PTTG1IP2: variants seen among roughly 807,000 people sequenced by gnomAD.
The protein encoded by PTTG1IP2 is PTTG1IP family member 2.
intron 6 of PTTG1IP2, among the ~76,000 whole-genome samples, chr7:90,498,127 G>A (rs909513340): frequency 3.3e-5 from 5 of 151,688 alleles, no homozygotes; most frequent in East Asian, 1.9e-4. Flanking sequence ...CCCGGCTCAC[G>A]CCATTCTCCT....
At chr7:90,496,459 T>C (rs1347168113) in intron 6 of PTTG1IP2, among the ~76,000 whole-genome samples, 2 of 152,200 alleles carry the variant, frequency 1.3e-5, no homozygotes, top group South Asian at 2.1e-4. Flanking sequence ...TCGTAATCTT[T>C]CATATTTCTG....
chr7:90,503,738 A>G (rs1006153669), intron 6 of PTTG1IP2, among the ~76,000 whole-genome samples: 1 of 152,228 alleles, frequency 6.6e-6, no homozygotes, highest in Non-Finnish European at 1.5e-5. Flanking sequence ...TGGCACCCCC[A>G]TAACAATTAC....
chr7:90,487,687 G>C (rs1237739707), intron 3 of PTTG1IP2, among the ~76,000 whole-genome samples: 2 of 152,090 alleles, frequency 1.3e-5, no homozygotes, highest in African/African-American at 4.8e-5. Context: ...TAGGCTTATT[G>C]GTTGTTTGCA....
intron 6 of PTTG1IP2, among the ~76,000 whole-genome samples, chr7:90,507,800 A>G (rs1798140668): frequency 6.6e-6 from 1 of 152,224 alleles, no homozygotes; most frequent in South Asian, 2.1e-4. Flanking sequence ...GACACATAGT[A>G]GATGCTCAAT....
At chr7:90,505,270 C>A (rs572603680) in intron 6 of PTTG1IP2, among the ~76,000 whole-genome samples, 1 of 152,270 alleles carries the variant, frequency 6.6e-6, no homozygotes, top group South Asian at 2.1e-4. Context: ...ACTTGCTGCC[C>A]AGCCAAATCC....
At chr7:90,493,866 A>T (rs1797965368) in intron 5 of PTTG1IP2, among the ~76,000 whole-genome samples, 1 of 152,252 alleles carries the variant, frequency 6.6e-6, no homozygotes, top group Non-Finnish European at 1.5e-5. Flanking sequence ...AGATGTTTGC[A>T]TATGGTAGTT....
chr7:90,485,779 C>A (rs951278434), intron 2 of PTTG1IP2, among the ~76,000 whole-genome samples: 9 of 152,172 alleles, frequency 5.9e-5, no homozygotes, highest in African/African-American at 2.2e-4. Flanking sequence ...ATCAGCTTAG[C>A]ACTTAAGTGC....
intron 6 of PTTG1IP2, among the ~76,000 whole-genome samples, chr7:90,502,501 A>G (rs1013272635): frequency 6.6e-6 from 1 of 152,228 alleles, no homozygotes; most frequent in Non-Finnish European, 1.5e-5. Context: ...AGGAATCACT[A>G]TTTATGACAA....
intron 2 of PTTG1IP2, among the ~76,000 whole-genome samples, chr7:90,482,132 G>T (rs1358378574): frequency 6.6e-6 from 1 of 152,084 alleles, no homozygotes; most frequent in Non-Finnish European, 1.5e-5. Flanking sequence ...AGGATGCAAA[G>T]CTTTCAGTGG....
chr7:90,479,887 AG>A (rs1797795731), intron 2 of PTTG1IP2, among the ~76,000 whole-genome samples: 1 of 152,226 alleles, frequency 6.6e-6, no homozygotes, highest in South Asian at 2.1e-4. Context: ...TACTTAGAAA[AG>A]GGCACACTCT....
chr7:90,488,592 G>A (rs1797903763), intron 3 of PTTG1IP2, among the ~76,000 whole-genome samples: 1 of 151,978 alleles, frequency 6.6e-6, no homozygotes, highest in East Asian at 1.9e-4. Flanking sequence ...GAGTTTAGAG[G>A]TAAAATAAAG....
chr7:90,504,098 C>T (rs1311327906), intron 6 of PTTG1IP2, among the ~76,000 whole-genome samples: 2 of 151,918 alleles, frequency 1.3e-5, no homozygotes, highest in Non-Finnish European at 2.9e-5. Flanking sequence ...AGGTGGATCA[C>T]GAGGTCAGGA....
intron 6 of PTTG1IP2, among the ~76,000 whole-genome samples, chr7:90,498,520 A>G (rs1798023640): frequency 6.6e-6 from 1 of 152,194 alleles, no homozygotes; most frequent in South Asian, 2.1e-4. Flanking sequence ...AGGGGTAGCT[A>G]TACTTATATC....
rs17868899 is a variant in PTTG1IP2, at chr7:90,475,016, C to T, written c.146-4212C>T. Among the ~76,000 whole-genome samples the T allele has an allele frequency of 7.2e-3, 1,097 of 152,218 alleles. 12 individuals are homozygous for T. The highest frequency in any genetic ancestry group is 0.041 in the Middle Eastern group (12 of 294). Reference sequence around the variant, plus strand: ...TGAGACTCAATGGATCAGTGCCAGACGGTTTATTACTCATAGCACAGCCAA... The same window carrying T: ...TGAGACTCAATGGATCAGTGCCAGATGGTTTATTACTCATAGCACAGCCAA... On this transcript the variant is annotated intron_variant, in intron 1 of 6. Transcript: ENST00000509356.
intron 6 of PTTG1IP2, among the ~76,000 whole-genome samples, chr7:90,507,824 A>G (rs1038988222): frequency 1.3e-5 from 2 of 152,192 alleles, no homozygotes; most frequent in Non-Finnish European, 2.9e-5. Context: ...TGGTTATATT[A>G]TTACCTATTA....
chr7:90,495,517 T>C (rs1363701875), intron 6 of PTTG1IP2, among the ~76,000 whole-genome samples: 1 of 152,232 alleles, frequency 6.6e-6, no homozygotes. Context: ...CATACAGGCA[T>C]ACTTTCACTG....
intron 6 of PTTG1IP2, among the ~76,000 whole-genome samples, chr7:90,500,198 A>T (rs766230148): frequency 2.2e-4 from 33 of 152,170 alleles, no homozygotes; most frequent in Non-Finnish European, 3.8e-4. Context: ...TGGGCAACAG[A>T]GGGAGACTCT....
intron 2 of PTTG1IP2, among the ~76,000 whole-genome samples, chr7:90,480,969 T>G (rs1797808593): frequency 6.6e-6 from 1 of 152,218 alleles, no homozygotes; most frequent in Non-Finnish European, 1.5e-5. Context: ...CTCTTTTCCC[T>G]GTTCTTTTGT....
intron 2 of PTTG1IP2, among the ~76,000 whole-genome samples, chr7:90,480,175 C>T (rs778284509): frequency 1.3e-5 from 2 of 152,200 alleles, no homozygotes; most frequent in Non-Finnish European, 2.9e-5. Context: ...TAAGACATCA[C>T]TTCTGTGGCA....
Sources: allele counts gnomAD v4.1 joint callset (sites outside exome capture counted in the v4.1 genomes callset), GRCh38; gene constraint gnomAD v4.1.1; transcripts MANE v1.5; gene names NCBI Gene and HGNC (gene_info 2026-07-23, HGNC 2026-07-21).